The following ATP2B4 variants were observed in gnomAD, a reference collection of about 807,000 sequenced individuals.
The protein encoded by ATP2B4 is ATPase plasma membrane Ca2+ transporting 4, also known as plasma membrane calcium-transporting ATPase 4.
In ATP2B4, 39 loss-of-function variants were observed where a neutral mutation model predicts 110.3. The ratio of observed to expected loss-of-function variants is 0.35; its 90% confidence interval spans 0.27 to 0.46. The LOEUF (loss-of-function observed/expected upper bound fraction) is 0.46. Ranked by LOEUF, ATP2B4 falls within the 20% of genes least tolerant of loss-of-function variation. The pLI is 1.00. For synonymous variants in ATP2B4, 538 were observed against 571.7 expected (o/e 0.94, Z 0.84); for missense variants, 1,135 against 1,530.9 (o/e 0.74, Z 4.32).
In ATP2B4 at chr1:203,660,060, C is replaced by T. The variant is rs541017770; in HGVS notation, c.-464-22682C>T. ...TTGTGCCACTGCACTCCAGCCTGGG[C>T]GGCAGAGCAAGACTCCATCTCAAAA... is the stretch of plus-strand genomic sequence containing the variant. On this transcript the variant is annotated intron_variant, in intron 1 of 20. Coordinates refer to ENST00000357681, the MANE Select transcript of ATP2B4 (RefSeq NM_001684.5). Among the ~76,000 whole-genome samples the T allele has an allele frequency of 3.8e-3, 544 of 144,018 alleles. 2 individuals are homozygous for T. The highest frequency in any genetic ancestry group is 6.0e-3 in the Non-Finnish European group (401 of 66,672). 94.5% of individuals were successfully genotyped at this position (144,018 alleles called of 152,430 possible).
intron 1 of ATP2B4, among the ~76,000 whole-genome samples, chr1:203,650,628 G>A (rs1663955832): frequency 6.6e-6 from 1 of 152,194 alleles, no homozygotes; most frequent in African/African-American, 2.4e-5. Context: ...CTGCAGGTCC[G>A]AACTCGGCCG....
intron 1 of ATP2B4, among the ~76,000 whole-genome samples, chr1:203,635,028 G>A (rs1283153230): frequency 1.3e-5 from 2 of 152,020 alleles, no homozygotes; most frequent in Non-Finnish European, 2.9e-5. Flanking sequence ...AGGCTGGAGT[G>A]CAATGCTGCA....
At chr1:203,659,829 A>G (rs1664278270) in intron 1 of ATP2B4, among the ~76,000 whole-genome samples, 1 of 152,174 alleles carries the variant, frequency 6.6e-6, no homozygotes, top group African/African-American at 2.4e-5. Context: ...CACGCCTGTA[A>G]TTCCAGCACT....
intron 1 of ATP2B4, among the ~76,000 whole-genome samples, chr1:203,672,085 A>G (rs1289386338): frequency 2.6e-5 from 4 of 152,138 alleles, no homozygotes; most frequent in Non-Finnish European, 4.4e-5. Flanking sequence ...TCTTATCCGT[A>G]ATATAAGTGC....
chr1:203,712,792 G>A (rs755659071), intron 13 of ATP2B4, among the ~76,000 whole-genome samples: 11 of 152,038 alleles, frequency 7.2e-5, no homozygotes, highest in Non-Finnish European at 1.3e-4. Context: ...GTGGTCTGGC[G>A]GTGGCACAGA....
intron 7 of ATP2B4, 48 bp from the exon 8 acceptor site, chr1:203,703,604 T>C: frequency 6.3e-7 from 1 of 1,592,382 alleles, no homozygotes; most frequent in South Asian, 1.1e-5. Context: ...TGCCACTCAG[T>C]GCTACCACCT....
Position 203,698,262 on chromosome 1 carries a change from C to G in ATP2B4, c.299C>G (p.Ala100Gly). Residue 100 changes from alanine to glycine, a missense_variant, in exon 3 of 21, where the codon GCT (alanine) becomes GGT (glycine). By Grantham distance (60) the Ala-to-Gly change is moderately conservative (BLOSUM62 0). This residue lies in a region of ATP2B4 where 122 missense variants were observed against 125.2 expected (regional missense o/e 0.97). Coordinates refer to ENST00000357681, the MANE Select transcript of ATP2B4 (RefSeq NM_001684.5). ...PKTFLELVWEALQDVTLIILE... is the reference protein window; with the variant it reads ...PKTFLELVWEGLQDVTLIILE... ...ACTTTCTTAGAATTAGTGTGGGAAGCTCTTCAAGATGTCACGCTTATCATC... is the reference window on the plus strand; with the variant it reads ...ACTTTCTTAGAATTAGTGTGGGAAGGTCTTCAAGATGTCACGCTTATCATC... 1 of 1,614,150 alleles carries G rather than the reference C, an allele frequency of 6.2e-7. No homozygotes were observed. The highest frequency in any genetic ancestry group is 1.1e-5 in the South Asian group (1 of 91,080).
chr1:203,693,336 C>T (rs1665440364), intron 2 of ATP2B4, among the ~76,000 whole-genome samples: 1 of 152,176 alleles, frequency 6.6e-6, no homozygotes, highest in African/African-American at 2.4e-5. Flanking sequence ...GAGAGGATTC[C>T]CAAGGCTACT....
At chr1:203,644,776 AG>A (rs1368956935) in intron 1 of ATP2B4, among the ~76,000 whole-genome samples, 4 of 152,160 alleles carry the variant, frequency 2.6e-5, no homozygotes, top group Admixed American at 1.3e-4. Flanking sequence ...CCAGTTCCCC[AG>A]GAGACTTGGC....
intron 15 of ATP2B4, among the ~76,000 whole-genome samples, chr1:203,716,967 G>C (rs1294761928): frequency 6.9e-6 from 1 of 144,394 alleles, no homozygotes; most frequent in Non-Finnish European, 1.5e-5. Flanking sequence ...TTGGGAGGCT[G>C]AGGCAGGCAG....
chr1:203,718,636 A>G (rs1196084125), intron 15 of ATP2B4, among the ~76,000 whole-genome samples: 1 of 152,150 alleles, frequency 6.6e-6, no homozygotes, highest in Non-Finnish European at 1.5e-5. Flanking sequence ...TTATGTTTGT[A>G]TCCCTTAAGC....
intron 2 of ATP2B4, among the ~76,000 whole-genome samples, chr1:203,683,808 G>C (rs1665094036): frequency 6.6e-6 from 1 of 151,184 alleles, no homozygotes; most frequent in African/African-American, 2.4e-5. Context: ...TGGGTAGCTA[G>C]GACCACAGGT....
intron 1 of ATP2B4, among the ~76,000 whole-genome samples, chr1:203,664,613 G>A (rs1664446011): frequency 1.3e-5 from 2 of 152,100 alleles, no homozygotes; most frequent in African/African-American, 2.4e-5. Context: ...GACTTCATGG[G>A]AGAGCCTGTG....
In ATP2B4 at chr1:203,742,887, C is replaced by T. The variant is rs1480093449; in HGVS notation, c.*3033C>T. 6.6e-6 allele frequency: 1 copy of T among 152,402 alleles called. No individual in the cohort carries two copies. 9.4% of individuals were successfully genotyped at this position (152,402 alleles called of 1,614,324 possible). A position where few individuals can be genotyped will look rare whatever the true frequency, so the allele number is the denominator to read the frequency against. ...GCAAGGATCTTATTTGTGATGCCTT[C>T]CCTCCCCTAGAAAGATTTTGTGCAA... On this transcript the variant is annotated 3_prime_UTR_variant, in exon 21 of 21. Coordinates refer to ENST00000357681, the MANE Select transcript of ATP2B4 (RefSeq NM_001684.5).
chr1:203,700,466 T>C, intron 5 of ATP2B4, 135 bp downstream of exon 5: 2 of 1,249,892 alleles, frequency 1.6e-6, no homozygotes, highest in African/African-American at 3.0e-5. Context: ...AGCATTTTGG[T>C]GGGTGGAATA....
intron 1 of ATP2B4, among the ~76,000 whole-genome samples, chr1:203,678,374 G>A (rs1664890653): frequency 6.8e-6 from 1 of 146,312 alleles, no homozygotes; most frequent in South Asian, 2.2e-4. Context: ...GTCTCTGGCA[G>A]CTCCTCATTT....
At chr1:203,665,799 C>A (rs74331820) in intron 1 of ATP2B4, among the ~76,000 whole-genome samples, 273 of 132,572 alleles carry the variant, frequency 2.1e-3, no homozygotes, top group Admixed American at 2.8e-3. Context: ...GACTCCATCT[C>A]AAAAAAAAAA....
At chr1:203,708,156 T>A in intron 10 of ATP2B4, 52 bp downstream of exon 10, 1 of 1,605,070 alleles carries the variant, frequency 6.2e-7, no homozygotes, top group Non-Finnish European at 8.5e-7. Flanking sequence ...GAAGGGAACA[T>A]CCATTTTCTC....
chr1:203,723,454 CTCT>C (rs1666404604), intron 18 of ATP2B4, among the ~76,000 whole-genome samples: 3 of 134,976 alleles, frequency 2.2e-5, no homozygotes, highest in African/African-American at 8.8e-5. Context: ...CTCTCTCTCT[CTCT>C]CTCCCTCTGC....
Sources: gnomAD v4.1 joint callset for allele counts (sites outside exome capture counted in the v4.1 genomes callset) on GRCh38, gnomAD v4.1.1 for gene constraint, gnomAD v4.1.1 regional missense constraint, MANE v1.5 for transcripts, NCBI Gene and HGNC (gene_info 2026-07-23, HGNC 2026-07-21) for gene names.